RBM19: variants seen among roughly 807,000 people sequenced by gnomAD.
The protein encoded by RBM19 is probable RNA-binding protein 19.
RBM19 carries 94 observed loss-of-function variants against 116.8 expected under a neutral mutation model. The observed-to-expected ratio is 0.80, with a 90% CI of 0.68 to 0.95. The LOEUF (loss-of-function observed/expected upper bound fraction) is 0.95. Among genes scored for constraint, RBM19 ranks in the 40% least tolerant of loss-of-function variants. The pLI is 0.00. For missense variants in RBM19, 1,161 were observed against 1,220.7 expected, an observed-to-expected ratio of 0.95 and a Z score of 0.73; for synonymous variants, 475 against 494.1, an observed-to-expected ratio of 0.96 and a Z score of 0.51.
intron 16 of RBM19, among the ~76,000 whole-genome samples, chr12:113,928,345 A>C (rs998285273): frequency 3.3e-5 from 5 of 150,058 alleles, no homozygotes; most frequent in Non-Finnish European, 7.4e-5. Context: ...TCAAAAATAA[A>C]ACAAAACAAA....
At chr12:113,960,501 G>A (rs971239720) in intron 2 of RBM19, among the ~76,000 whole-genome samples, 19 of 152,188 alleles carry the variant, frequency 1.2e-4, no homozygotes, top group Non-Finnish European at 2.2e-4. Flanking sequence ...TGACAGCTAT[G>A]ACTTTCTACA....
At chr12:113,864,943 C>T (rs1032346399) in intron 21 of RBM19, among the ~76,000 whole-genome samples, 13 of 152,082 alleles carry the variant, frequency 8.5e-5, no homozygotes, top group Non-Finnish European at 1.5e-5. Flanking sequence ...TCATGAATAT[C>T]TGTCAGTCAT....
chr12:113,958,198 T>A, intron 5 of RBM19, 148 bp from the exon 6 acceptor site: 1 of 1,438,126 alleles, frequency 7.0e-7, no homozygotes, highest in South Asian at 1.4e-5. Flanking sequence ...CCCCCATAAG[T>A]CCTCTGATTA....
At chr12:113,955,319 G>T in intron 6 of RBM19, 108 bp from the exon 7 acceptor site, 1 of 1,038,332 alleles carries the variant, frequency 9.6e-7, no homozygotes, top group Non-Finnish European at 1.5e-6. Context: ...CTGCCGCCAG[G>T]GGGAGCTGGG....
At chr12:113,873,936 A>T (rs1879479335) in intron 21 of RBM19, among the ~76,000 whole-genome samples, 1 of 152,124 alleles carries the variant, frequency 6.6e-6, no homozygotes, top group African/African-American at 2.4e-5. Context: ...TCTCGCCATC[A>T]CCCTGGAGAC....
Position 113,945,931 on chromosome 12 carries a change from G to C in RBM19, c.1530-7C>G, listed in dbSNP as rs1470906695. 6.5e-7 allele frequency: 1 copy of C among 1,547,830 alleles called. No homozygotes were observed. The highest frequency in any genetic ancestry group is 8.9e-7 in the Non-Finnish European group (1 of 1,119,872). ...TGTGTTCCAGTTGTGAGAGCTAAGA[G>C]GCAGAGGCAGAACAGGGAGATCAGA... On this transcript the variant is annotated splice_polypyrimidine_tract_variant and splice_region_variant and intron_variant, in intron 12 of 23. Transcript: ENST00000261741.
At chr12:113,942,569 A>T in intron 13 of RBM19, 135 bp from the exon 14 acceptor site, 1 of 613,530 alleles carries the variant, frequency 1.6e-6, no homozygotes, top group African/African-American at 1.9e-5. Context: ...TCCTACATTG[A>T]TCAGATGCCC....
chr12:113,966,235 G>C lies in RBM19; in HGVS notation c.-8C>G. 1 of 1,614,236 alleles carries C rather than the reference G, an allele frequency of 6.2e-7. No homozygotes were observed. Among genetic ancestry groups the C allele is most frequent in the Non-Finnish European group, 8.5e-7 (1 of 1,180,044 alleles). On this transcript the variant is annotated 5_prime_UTR_variant, in exon 1 of 24. Coordinates refer to ENST00000261741, the MANE Select transcript of RBM19 (RefSeq NM_016196.4). Reference sequence around the variant, plus strand: ...CACGATCAGTCGCGACATGGCGCAGGGTCCCCGCTGTTTTGATTCCAACAC... The same window carrying C: ...CACGATCAGTCGCGACATGGCGCAGCGTCCCCGCTGTTTTGATTCCAACAC...
intron 13 of RBM19, among the ~76,000 whole-genome samples, chr12:113,942,827 T>A (rs994926829): frequency 3.9e-5 from 6 of 152,264 alleles, no homozygotes; most frequent in Admixed American, 2.6e-4. Context: ...CCCAGGCTGA[T>A]CTTGAACTGC....
intron 6 of RBM19, 46 bp downstream of exon 6, chr12:113,957,736 A>C (rs1392063187): frequency 2.0e-6 from 3 of 1,523,460 alleles, no homozygotes; most frequent in Non-Finnish European, 2.6e-6. Context: ...ACGGGCAAGC[A>C]GGAGAGCGCA....
chr12:113,925,345 C>T (rs1056543162), intron 17 of RBM19, among the ~76,000 whole-genome samples: 10 of 152,146 alleles, frequency 6.6e-5, no homozygotes, highest in African/African-American at 1.9e-4. Flanking sequence ...ACAAACACTA[C>T]GAGCAGCAGC....
chr12:113,965,660 G>C (rs776404690), intron 1 of RBM19, among the ~76,000 whole-genome samples: 13 of 152,124 alleles, frequency 8.5e-5, no homozygotes, highest in Non-Finnish European at 1.9e-4. Context: ...TGGGCTCCAG[G>C]GAAACAAAAA....
chr12:113,879,676 C>T (rs2135785795), intron 21 of RBM19, among the ~76,000 whole-genome samples: 1 of 152,102 alleles, frequency 6.6e-6, no homozygotes, highest in South Asian at 2.1e-4. Context: ...GCCTTGATCC[C>T]TGTATCCATA....
At chr12:113,880,741 C>T (rs1231395863) in intron 21 of RBM19, among the ~76,000 whole-genome samples, 1 of 152,114 alleles carries the variant, frequency 6.6e-6, no homozygotes, top group Non-Finnish European at 1.5e-5. Context: ...GCCTGCGTCA[C>T]GTGACCACTC....
chr12:113,855,932 A>AG lies in RBM19; in HGVS notation c.2664+2858dup, dbSNP rs144507075. Among the ~76,000 whole-genome samples, 67 of 152,340 alleles carry AG rather than the reference A, an allele frequency of 4.4e-4. 2 individuals carry two copies. In the East Asian group the frequency reaches 0.012, roughly 26 times the overall value. On this transcript the variant is annotated intron_variant, in intron 22 of 23. Transcript: ENST00000261741. ...TCTCCAGACAGACCTGGAGCTGGGG[A>AG]GGGAGAAAGCAATGGCAGCTTCCCT...
At chr12:113,938,055 G>T (rs1870229517) in intron 15 of RBM19, among the ~76,000 whole-genome samples, 1 of 152,138 alleles carries the variant, frequency 6.6e-6, no homozygotes, top group African/African-American at 2.4e-5. Context: ...CTGGGCATCA[G>T]TTTCCATATG....
intron 6 of RBM19, among the ~76,000 whole-genome samples, chr12:113,956,474 G>A (rs1173723610): frequency 4.0e-5 from 6 of 151,420 alleles, no homozygotes; most frequent in Admixed American, 2.6e-4. Flanking sequence ...CCAGCTACTC[G>A]GGAGGCTGAG....
chr12:113,826,986 G>A (rs1207019884), intron 23 of RBM19, among the ~76,000 whole-genome samples: 1 of 152,076 alleles, frequency 6.6e-6, no homozygotes, highest in Non-Finnish European at 1.5e-5. Context: ...TTCAGGCTGG[G>A]CCCCCAACTG....
chr12:113,877,597 C>T (rs1384660946), intron 21 of RBM19, among the ~76,000 whole-genome samples: 1 of 152,132 alleles, frequency 6.6e-6, no homozygotes, highest in Non-Finnish European at 1.5e-5. Context: ...GCATCTAGTC[C>T]CTCCTGACTA....
Sources: allele counts gnomAD v4.1 joint callset (sites outside exome capture counted in the v4.1 genomes callset), GRCh38; gene constraint gnomAD v4.1.1; transcripts MANE v1.5; gene names NCBI Gene and HGNC (gene_info 2026-07-23, HGNC 2026-07-21).